Variants in GOLM1 observed in about 807,000 individuals in gnomAD.
GOLM1 encodes the protein golgi membrane protein 1.
Under a neutral mutation model 50.5 loss-of-function variants are expected in GOLM1, and 31 were observed. That is an observed-to-expected ratio of 0.61 (90% confidence interval 0.46 to 0.83). The LOEUF (loss-of-function observed/expected upper bound fraction) is 0.83, where lower values mean the gene tolerates loss of function less well. GOLM1 is among the 40% of genes least tolerant of loss of function. The pLI is 0.00. For synonymous variants in GOLM1, 178 were observed against 192.8 expected, an observed-to-expected ratio of 0.92 and a Z score of 0.64; for missense variants, 491 against 501.3, an observed-to-expected ratio of 0.98 and a Z score of 0.20.
chr9:86,077,149 A>C (rs4364703), intron 3 of GOLM1, among the ~76,000 whole-genome samples: 36,279 of 152,006 alleles, frequency 0.24, 7,292 homozygotes, highest in African/African-American at 0.52. Context: ...TAGGAGAAAA[A>C]AAAAAGCCAA....
At chr9:86,073,461 G>C (rs372517337) in intron 3 of GOLM1, among the ~76,000 whole-genome samples, 1 of 152,166 alleles carries the variant, frequency 6.6e-6, no homozygotes, top group East Asian at 1.9e-4. Flanking sequence ...GTAAACAAAA[G>C]CTGATTTGAT....
chr9:86,031,148 T>C (rs903462125), intron 9 of GOLM1, among the ~76,000 whole-genome samples: 2 of 151,676 alleles, frequency 1.3e-5, no homozygotes, highest in Non-Finnish European at 2.9e-5. Context: ...AGGCAGAGGT[T>C]GCAGTGAGCC....
intron 3 of GOLM1, among the ~76,000 whole-genome samples, chr9:86,053,782 C>T (rs1183693073): frequency 4.9e-5 from 2 of 40,756 alleles, no homozygotes; most frequent in Non-Finnish European, 1.2e-4. Flanking sequence ...CCATACACAT[C>T]ACATACCGCT....
At chr9:86,040,993 C>T (rs897420613) in intron 5 of GOLM1, 125 bp from the exon 6 acceptor site, 1 of 815,462 alleles carries the variant, frequency 1.2e-6, no homozygotes, top group Non-Finnish European at 2.0e-6. Context: ...CTGAAGAGGG[C>T]ACTTAAGACA....
At chr9:86,054,037 CCA>C (rs1833911154) in intron 3 of GOLM1, among the ~76,000 whole-genome samples, 1 of 152,164 alleles carries the variant, frequency 6.6e-6, no homozygotes, top group African/African-American at 2.4e-5. Context: ...CTTCTCCTGT[CCA>C]CAGAGTCTAT....
At chr9:86,053,600 AC>A (rs1833870747) in intron 3 of GOLM1, among the ~76,000 whole-genome samples, 2 of 1,188 alleles carry the variant, frequency 1.7e-3, no homozygotes, top group Admixed American at 9.1e-3. Flanking sequence ...ACCACTCCAC[AC>A]ACACATCACA....
At chr9:86,069,464 C>T (rs558179236) in intron 3 of GOLM1, among the ~76,000 whole-genome samples, 17 of 152,284 alleles carry the variant, frequency 1.1e-4, no homozygotes, top group South Asian at 4.1e-4. Flanking sequence ...AGAAAGGAAA[C>T]GGAAATGGCA....
chr9:86,036,259 C>T (rs1427629657), intron 7 of GOLM1, 89 bp downstream of exon 7: 2 of 1,374,008 alleles, frequency 1.5e-6, no homozygotes, highest in Non-Finnish European at 2.1e-6. Flanking sequence ...CTGCCGGGTT[C>T]ACTGACTGCC....
intron 1 of GOLM1, among the ~76,000 whole-genome samples, chr9:86,083,089 T>G (rs905139515): frequency 6.6e-6 from 1 of 152,180 alleles, no homozygotes; most frequent in South Asian, 2.1e-4. Context: ...TTTCCAACAA[T>G]GCTACCATAA....
rs1832795472 is a variant in GOLM1, at chr9:86,026,667, G to A, written c.*1150C>T. On this transcript the variant is annotated 3_prime_UTR_variant, in exon 10 of 10. Coordinates refer to ENST00000388712, the MANE Select transcript of GOLM1 (RefSeq NM_016548.4). ...ATGATGTGGCCAGTTATTTGCAAGT[G>A]GTAAGAGCCTATTTACCATAAATAA... 1 of 984,058 alleles carries A rather than the reference G, an allele frequency of 1.0e-6. No individual in the cohort carries two copies. Among genetic ancestry groups the A allele is most frequent in the Non-Finnish European group, 1.2e-6 (1 of 828,890 alleles). The allele number at this position is 984,058 out of a possible 1,614,324, so 61.0% of individuals were successfully genotyped here.
intron 5 of GOLM1, among the ~76,000 whole-genome samples, chr9:86,044,160 G>GTA (rs1488236500): frequency 6.6e-6 from 1 of 152,194 alleles, no homozygotes; most frequent in Non-Finnish European, 1.5e-5. Flanking sequence ...CAGCCTCCTT[G>GTA]TAAGCCATGA....
At chr9:86,079,084 A>G in intron 2 of GOLM1, 108 bp downstream of exon 2, 1 of 1,040,522 alleles carries the variant, frequency 9.6e-7, no homozygotes, top group Non-Finnish European at 1.4e-6. Context: ...TGTGCCCTGC[A>G]CAAAACGCCC....
At chr9:86,072,549 TA>T (rs1473711637) in intron 3 of GOLM1, among the ~76,000 whole-genome samples, 1 of 152,138 alleles carries the variant, frequency 6.6e-6, no homozygotes, top group African/African-American at 2.4e-5. Flanking sequence ...CAGTGATGAG[TA>T]AGTTTCCAAT....
At position 86,076,421 on chromosome 9, in the gene GOLM1, CAAAAAAAAAAAAAAA is replaced by C. The variant is rs58193076; in HGVS notation, c.309+976_309+990del. ...GGACAACAAGAGGGAAACCCCATCT[CAAAAAAAAAAAAAAA>C]AAAAAAAAAAAAAAAAAAGCCAAAT... is the stretch of plus-strand genomic sequence containing the variant. On this transcript the variant is annotated intron_variant, in intron 3 of 9. Coordinates refer to ENST00000388712, the MANE Select transcript of GOLM1 (RefSeq NM_016548.4). 5.6e-4 allele frequency among the ~76,000 whole-genome samples: 13 copies of C among 23,334 alleles called. No individual in the cohort carries two copies. In the South Asian group the frequency reaches 0.015, roughly 26 times the overall value. 15.3% of individuals were successfully genotyped at this position (23,334 alleles called of 152,430 possible).
In GOLM1 at chr9:86,047,614, C is replaced by T. The variant is rs577803256; in HGVS notation, c.365-1042G>A. 7.2e-5 allele frequency among the ~76,000 whole-genome samples: 11 copies of T among 152,168 alleles called. No individual in the cohort carries two copies. The South Asian group carries it at 2.3e-3, about 32-fold the overall frequency. On this transcript the variant is annotated intron_variant, in intron 4 of 9. Coordinates refer to ENST00000388712, the MANE Select transcript of GOLM1 (RefSeq NM_016548.4). ...CCATGTTGACTGCAGTGGTGATCTGCGAGACTATTTGTCAGGACTTATCCA... is the reference window on the plus strand; with the variant it reads ...CCATGTTGACTGCAGTGGTGATCTGTGAGACTATTTGTCAGGACTTATCCA...
Position 86,033,330 on chromosome 9 carries a change from C to T in GOLM1, c.1081G>A (p.Glu361Lys), listed in dbSNP as rs754735490. The change falls in exon 9 of 10, where the codon GAG (glutamate) becomes AAG (lysine). Residue 361 changes from glutamate (E) to lysine (K), a missense_variant. Glu to Lys is a moderately conservative substitution (Grantham distance 56). Transcript: ENST00000388712. Reference protein sequence around the residue: ...YNMDENEAESETDKQAALAGN... With the variant: ...YNMDENEAESKTDKQAALAGN... ...GCCAGGGCTGCTTGCTTGTCTGTCT[C>T]AGATTCTGCTTCATTTTCATCCATG... 1 of 1,613,674 alleles carries T rather than the reference C, an allele frequency of 6.2e-7. No individual in the cohort carries two copies. The highest frequency in any genetic ancestry group is 8.5e-7 in the Non-Finnish European group (1 of 1,179,520).
At chr9:86,067,858 T>C (rs1016412255) in intron 3 of GOLM1, among the ~76,000 whole-genome samples, 4 of 151,882 alleles carry the variant, frequency 2.6e-5, no homozygotes, top group African/African-American at 4.8e-5. Context: ...CAAAAAACAT[T>C]AGCTGGGCAT....
intron 1 of GOLM1, among the ~76,000 whole-genome samples, chr9:86,098,415 C>T (rs1178923713): frequency 6.6e-6 from 1 of 152,174 alleles, no homozygotes; most frequent in Non-Finnish European, 1.5e-5. Context: ...TAAACAAAGC[C>T]ACTCAAGCGC....
intron 3 of GOLM1, among the ~76,000 whole-genome samples, chr9:86,072,949 G>T (rs1002817704): frequency 6.6e-6 from 1 of 152,128 alleles, no homozygotes; most frequent in African/African-American, 2.4e-5. Flanking sequence ...AGTAAAAGTA[G>T]TAAGTATTTG....
Sources: gnomAD v4.1 joint callset for allele counts (sites outside exome capture counted in the v4.1 genomes callset) on GRCh38, gnomAD v4.1.1 for gene constraint, MANE v1.5 for transcripts, NCBI Gene and HGNC (gene_info 2026-07-23, HGNC 2026-07-21) for gene names.